Variants in HRAS observed in about 807,000 individuals in gnomAD.
HRAS encodes GTPase HRas.
HRAS carries 11 observed loss-of-function variants against 19.8 expected under a neutral mutation model. That is an observed-to-expected ratio of 0.55 (90% CI 0.35 to 0.92). The LOEUF (loss-of-function observed/expected upper bound fraction) is 0.92. Ranked by LOEUF, HRAS falls within the 40% of genes least tolerant of loss-of-function variation. The pLI, the probability that HRAS is intolerant of heterozygous loss-of-function variation, is 0.01. For missense variants in HRAS, 204 were observed against 255.9 expected (o/e 0.80, Z 1.38); for synonymous variants, 149 against 105.5 (o/e 1.41, Z -2.52).
At chr11:533,215 G>C in intron 4 of HRAS, 1 of 1,399,938 alleles carries the variant, frequency 7.1e-7, no homozygotes, top group East Asian at 2.5e-5. Context: ...CAGGACTGCA[G>C]GGCGTGAGCC....
In HRAS at chr11:533,771, C is replaced by T. The variant is rs925794740; in HGVS notation, c.285G>A (p.Gln95=). The part of the protein sequence containing the change: ...NNTKSFEDIH[Q]YREQIKRVKD... The stretch of plus-strand genomic sequence containing the variant: ...GCCAGCCTCACGGGGTTCACCTGTA[C>T]TGGTGGATGTCCTCAAAAGACTTGG... The change falls in exon 3 of 6, where the codon CAG becomes CAA. Residue 95 remains glutamine, a synonymous_variant. Coordinates refer to ENST00000311189, the MANE Select transcript of HRAS (RefSeq NM_005343.4). The T allele has an allele frequency of 1.2e-6, 2 of 1,613,334 alleles. No individual in the cohort carries two copies. Among genetic ancestry groups the T allele is most frequent in the Non-Finnish European group, 1.7e-6 (2 of 1,180,002 alleles).
At chr11:533,712 G>T in intron 3 of HRAS, 54 bp downstream of exon 3, 1 of 1,611,416 alleles carries the variant, frequency 6.2e-7, no homozygotes, top group South Asian at 1.1e-5. Context: ...GGACGCAGCC[G>T]GCCTGGCCCC....
At chr11:534,889 G>T (rs1489168551) in intron 1 of HRAS, among the ~76,000 whole-genome samples, 2 of 152,236 alleles carry the variant, frequency 1.3e-5, no homozygotes, top group South Asian at 2.1e-4. Flanking sequence ...CACCCCCGGC[G>T]GGGAACCGGG....
intron 2 of HRAS, 74 bp downstream of exon 2, chr11:534,138 C>T: frequency 7.7e-7 from 1 of 1,301,546 alleles, no homozygotes; most frequent in Non-Finnish European, 1.1e-6. Flanking sequence ...GGGGCTGCAG[C>T]CAGCCCTATC....
At chr11:533,311 G>GGGGTCCCAGA (rs764755556) in intron 4 of HRAS, 142 bp downstream of exon 4, 2 of 1,602,122 alleles carry the variant, frequency 1.2e-6, no homozygotes, top group African/African-American at 1.3e-5. Flanking sequence ...TGGGTCCCGG[G>GGGGTCCCAGA]GGGTCCCAGA....
Position 534,198 on chromosome 11 carries a change from G to T in HRAS, c.111+14C>A. ...CAGCAGCTGCTGGCACCTGGACGGC[G>T]GCGCCAGGCTCACCTCTATAGTGGG... On this transcript the variant is annotated intron_variant, in intron 2 of 5. Transcript: ENST00000311189. The T allele has an allele frequency of 6.3e-7, 1 of 1,594,254 alleles. No homozygotes were observed.
Position 532,729 on chromosome 11 carries a change from CA to C in HRAS, c.476del (p.Leu159TrpfsTer13). On this transcript the variant is annotated frameshift_variant, in exon 5 of 6. Transcript: ENST00000311189. LOFTEE classifies it high-confidence loss of function. ...GCTTGTGCTGCCGGATCTCACGCAC[CA>C]ACGTGTAGAAGGCATCCTCCACTCC... ...RQGVEDAFYT[L>X]VREIRQHKLR... is the part of the protein sequence containing the mutation. The C allele has an allele frequency of 6.2e-7, 1 of 1,613,100 alleles. No individual in the cohort carries two copies.
intron 3 of HRAS, 26 bp downstream of exon 3, chr11:533,740 T>A (rs2133989460): frequency 6.2e-7 from 1 of 1,612,758 alleles, no homozygotes; most frequent in South Asian, 1.1e-5. Flanking sequence ...CGGCGTGGGC[T>A]CCCGGGCCAG....
chr11:534,599 A>T, intron 1 of HRAS: 1 of 551,146 alleles, frequency 1.8e-6, no homozygotes, highest in African/African-American at 1.9e-5. Context: ...GGGAAAAGGG[A>T]CCCAGCCCTC....
At chr11:533,143 T>A in intron 4 of HRAS, 1 of 815,168 alleles carries the variant, frequency 1.2e-6, no homozygotes, top group South Asian at 1.8e-5. Context: ...GGGTCACCGC[T>A]CCGGCCTGGC....
chr11:533,139 C>T, intron 4 of HRAS: 1 of 791,494 alleles, frequency 1.3e-6, no homozygotes, highest in Non-Finnish European at 2.0e-6. Context: ...CCCAGGGTCA[C>T]CGCTCCGGCC....
At position 533,631 on chromosome 11, in the gene HRAS, G is replaced by A. The variant is rs1436710376; in HGVS notation, c.291-19C>T. 1 of 1,613,614 alleles carries A rather than the reference G, an allele frequency of 6.2e-7. No homozygotes were observed. Among genetic ancestry groups the A allele is most frequent in the Non-Finnish European group, 8.5e-7 (1 of 1,179,962 alleles). On this transcript the variant is annotated intron_variant, in intron 3 of 5. Transcript: ENST00000311189. ...CTGCTCCCTGAGAGGTGGAAAGCGA[G>A]AGCTGGCTACGGGGGCTGCAGGCGC...
At chr11:534,403 G>A (rs1030962749) in intron 1 of HRAS, 28 bp from the exon 2 acceptor site, 26 of 1,105,318 alleles carry the variant, frequency 2.4e-5, no homozygotes, top group Admixed American at 1.2e-4. Context: ...GCTCAGCCAG[G>A]CCCAGGCCCA....
rs727504614 is a variant in HRAS, at chr11:534,278, G to A, written c.45C>T (p.Gly15=). 2.8e-5 allele frequency: 45 copies of A among 1,613,268 alleles called. No individual in the cohort carries two copies. The highest frequency in any genetic ancestry group is 3.4e-5 in the Non-Finnish European group (40 of 1,179,868). The change falls in exon 2 of 6, where the codon GGC becomes GGT. Residue 15 remains glycine, a synonymous_variant. Transcript: ENST00000311189. ...TCAGCTGGATGGTCAGCGCACTCTTGCCCACACCGCCGGCGCCCACCACCA... is the reference window on the plus strand; with the variant it reads ...TCAGCTGGATGGTCAGCGCACTCTTACCCACACCGCCGGCGCCCACCACCA... The part of the protein sequence containing the change: ...KLVVVGAGGV[G]KSALTIQLIQ...
intron 2 of HRAS, 80 bp from the exon 3 acceptor site, chr11:534,024 T>TCTCATGCCC: frequency 6.8e-7 from 1 of 1,475,480 alleles, no homozygotes; most frequent in Non-Finnish European, 9.4e-7. Flanking sequence ...CCCTGGTACC[T>TCTCATGCCC]CTCATGCCCC....
chr11:533,169 C>A, intron 4 of HRAS: 1 of 1,057,186 alleles, frequency 9.5e-7, no homozygotes, highest in South Asian at 1.6e-5. Context: ...GCAGCTCTCC[C>A]CAAGGACCTC....
intron 4 of HRAS, among the ~76,000 whole-genome samples, chr11:532,956 G>A (rs372910384): frequency 4.6e-5 from 7 of 152,334 alleles, no homozygotes; most frequent in African/African-American, 1.7e-4. Context: ...TGCTACAGCA[G>A]CCCCTCAAAG....
Position 533,619 on chromosome 11 carries a change from G to C in HRAS, c.291-7C>G, listed in dbSNP as rs1851252368. The C allele has an allele frequency of 6.2e-7, 1 of 1,613,604 alleles. No homozygotes were observed. The highest frequency in any genetic ancestry group is 1.3e-5 in the African/African-American group (1 of 74,934). On this transcript the variant is annotated splice_region_variant and splice_polypyrimidine_tract_variant and intron_variant, in intron 3 of 5. Transcript: ENST00000311189. Reference sequence around the variant, plus strand: ...CACCCGTTTGATCTGCTCCCTGAGAGGTGGAAAGCGAGAGCTGGCTACGGG... The same window carrying C: ...CACCCGTTTGATCTGCTCCCTGAGACGTGGAAAGCGAGAGCTGGCTACGGG...
rs1170195718 is a variant in HRAS, at chr11:532,367, G to C, written c.*161C>G. 3.5e-6 allele frequency: 2 copies of C among 572,728 alleles called. No homozygotes were observed. The highest frequency in any genetic ancestry group is 6.3e-6 in the Non-Finnish European group (2 of 319,184). 35.5% of individuals were successfully genotyped at this position (572,728 alleles called of 1,614,324 possible). A position where few individuals can be genotyped will look rare whatever the true frequency, so the allele number is the denominator to read the frequency against. On this transcript the variant is annotated 3_prime_UTR_variant, in exon 6 of 6. Transcript: ENST00000311189. ...GGATGTTCAAGACAGTCTGTGCACA[G>C]CCTCCCTGGGAGGGTCTGCAGTCAC...
Sources: gnomAD v4.1 joint callset for allele counts (sites outside exome capture counted in the v4.1 genomes callset) on GRCh38, gnomAD v4.1.1 for gene constraint, MANE v1.5 for transcripts, NCBI Gene and HGNC (gene_info 2026-07-23, HGNC 2026-07-21) for gene names.